Variants in SMC2 observed in about 807,000 individuals in gnomAD.
SMC2 encodes the protein structural maintenance of chromosomes 2, also known as structural maintenance of chromosomes protein 2.
A neutral mutation model predicts 142.6 loss-of-function variants in SMC2; 41 were observed. The observed-to-expected ratio is 0.29, with a 90% CI of 0.22 to 0.37. The LOEUF (loss-of-function observed/expected upper bound fraction) is 0.37. SMC2 is among the 10% of genes least tolerant of loss of function. The pLI is 1.00. For synonymous variants in SMC2, 463 were observed against 457.5 expected (o/e 1.01, Z -0.15); for missense variants, 1,265 against 1,373.7 (o/e 0.92, Z 1.25).
upstream of SMC2, among the ~76,000 whole-genome samples, chr9:104,091,185 C>T (rs922862890): frequency 6.6e-6 from 1 of 152,156 alleles, no homozygotes; most frequent in Non-Finnish European, 1.5e-5. Context: ...TTCTGAGAAA[C>T]GCCTCATTAG....
At chr9:104,101,241 C>G (rs950827007) in intron 7 of SMC2, among the ~76,000 whole-genome samples, 1 of 152,086 alleles carries the variant, frequency 6.6e-6, no homozygotes, top group Non-Finnish European at 1.5e-5. Context: ...AGCCAAACGA[C>G]GTTTTTAAAG....
At chr9:104,135,534 C>T (rs1835435066) in intron 23 of SMC2, among the ~76,000 whole-genome samples, 1 of 152,070 alleles carries the variant, frequency 6.6e-6, no homozygotes, top group Non-Finnish European at 1.5e-5. Context: ...ATCATGGCAC[C>T]ATGTTTTCCA....
In SMC2 at chr9:104,129,720, G is replaced by C. The variant is rs1458609166; in HGVS notation, c.2866G>C (p.Asp956His). Reference protein sequence around the residue: ...HLFGQPNSAYDFKTNNPKEAG... With the variant: ...HLFGQPNSAYHFKTNNPKEAG... ...CTTTGGCCAACCCAATAGTGCCTAT[G>C]ATTTCAAAACTAACAACCCTAAAGA... The change falls in exon 21 of 25, where the codon GAT becomes CAT. Residue 956 changes from aspartate to histidine, a missense_variant. This residue lies in a region of SMC2 where 898 missense variants were observed against 904.2 expected (regional missense o/e 0.99). Transcript: ENST00000374793. The C allele has an allele frequency of 6.2e-7, 1 of 1,613,946 alleles. No individual in the cohort carries two copies. The highest frequency in any genetic ancestry group is 8.5e-7 in the Non-Finnish European group (1 of 1,179,912).
Position 104,138,116 on chromosome 9 carries a change from A to G in SMC2, c.3368A>G (p.His1123Arg), listed in dbSNP as rs1412619292. 1 of 1,610,292 alleles carries G rather than the reference A, an allele frequency of 6.2e-7. No individual in the cohort carries two copies. Among genetic ancestry groups the G allele is most frequent in the Admixed American group, 1.7e-5 (1 of 59,918 alleles). ...GTAGATGCAGCCTTGGATCTTTCTC[A>G]TACCCAAAACATTGGACAGATGCTG... ...DEVDAALDLS[H>R]TQNIGQMLRT... Residue 1123 changes from histidine (H) to arginine (R), a missense_variant, in exon 24 of 25, where the codon CAT becomes CGT. Physicochemically the swap from His to Arg is conservative, Grantham distance 29 (BLOSUM62 0). Transcript: ENST00000374793.
At chr9:104,115,421 A>C (rs1832976812) in intron 13 of SMC2, among the ~76,000 whole-genome samples, 1 of 152,030 alleles carries the variant, frequency 6.6e-6, no homozygotes. Flanking sequence ...CTGAAAATAC[A>C]AAAGTTACCC....
At chr9:104,138,428 A>G (rs1290910470) in intron 24 of SMC2, among the ~76,000 whole-genome samples, 1 of 152,170 alleles carries the variant, frequency 6.6e-6, no homozygotes, top group Non-Finnish European at 1.5e-5. Flanking sequence ...GAATTGATTT[A>G]GGGTTAATAT....
chr9:104,122,456 A>G lies in SMC2; in HGVS notation c.2133-652A>G, dbSNP rs566416128. ...CAAGAATACTCAAGGTAGTATTTAT[A>G]TTTTATAAGTTTTGTTTTTTTTTTT... On this transcript the variant is annotated intron_variant, in intron 16 of 24. Transcript: ENST00000374793. 2.6e-5 allele frequency among the ~76,000 whole-genome samples: 4 copies of G among 151,164 alleles called. No individual in the cohort carries two copies. The South Asian group carries it at 8.3e-4, about 31-fold the overall frequency.
At chr9:104,106,615 A>T (rs1791575464) in intron 9 of SMC2, among the ~76,000 whole-genome samples, 1 of 151,620 alleles carries the variant, frequency 6.6e-6, no homozygotes, top group African/African-American at 2.4e-5. Flanking sequence ...CTGGTCTCGA[A>T]CTCCCGACCT....
intron 7 of SMC2, among the ~76,000 whole-genome samples, chr9:104,101,567 G>A (rs75436537): frequency 0.057 from 8,637 of 152,160 alleles, 658 homozygotes; most frequent in African/African-American, 0.18. Flanking sequence ...TATGGGAGTC[G>A]TGTTTAGTAA....
At chr9:104,103,853 C>T (rs1171797019) in intron 9 of SMC2, among the ~76,000 whole-genome samples, 1 of 151,712 alleles carries the variant, frequency 6.6e-6, no homozygotes, top group Non-Finnish European at 1.5e-5. Context: ...AATTTTGAAG[C>T]GATATGAACG....
chr9:104,100,932 A>G (rs187118571), intron 7 of SMC2, among the ~76,000 whole-genome samples: 4 of 152,278 alleles, frequency 2.6e-5, no homozygotes, highest in Admixed American at 6.5e-5. Context: ...CAAAAAATGC[A>G]TTTATGAGCT....
chr9:104,114,731 C>T lies in SMC2; in HGVS notation c.1573C>T (p.Leu525Phe). The change falls in exon 13 of 25, where the codon CTT becomes TTT. Residue 525 changes from leucine to phenylalanine, a missense_variant. Physicochemically the swap from Leu to Phe is conservative, Grantham distance 22 (BLOSUM62 0). This residue lies in a region of SMC2 where 898 missense variants were observed against 904.2 expected (regional missense o/e 0.99). Coordinates refer to ENST00000374793, the MANE Select transcript of SMC2 (RefSeq NM_006444.3). ...KNWNRNCVKG[L>F]VASLISVKDT... The stretch of plus-strand genomic sequence containing the variant: ...CTGGAATAGAAATTGTGTGAAAGGA[C>T]TTGTGGCTTCTCTGATTAGTGTGAA... 1.2e-6 allele frequency: 2 copies of T among 1,612,986 alleles called. No homozygotes were observed. Among genetic ancestry groups the T allele is most frequent in the South Asian group, 1.1e-5 (1 of 90,968 alleles).
intron 9 of SMC2, among the ~76,000 whole-genome samples, chr9:104,107,522 C>T (rs558705104): frequency 3.9e-4 from 60 of 152,292 alleles, no homozygotes; most frequent in African/African-American, 1.4e-3. Context: ...CTGCAAAGTC[C>T]GCTGTTCAAA....
intron 9 of SMC2, among the ~76,000 whole-genome samples, 159 bp from the exon 10 acceptor site, chr9:104,111,422 A>T (rs1832432212): frequency 6.6e-6 from 1 of 152,210 alleles, no homozygotes. Context: ...AGTGAATTTC[A>T]AAATGATAAT....
chr9:104,100,307 T>C, intron 6 of SMC2, 82 bp from the exon 7 acceptor site: 3 of 1,393,272 alleles, frequency 2.2e-6, no homozygotes, highest in Non-Finnish European at 3.0e-6. Context: ...CAGTTTTCCA[T>C]AGTCATCCCT....
Position 104,114,825 on chromosome 9 carries a change from C to T in SMC2, c.1667C>T (p.Thr556Ile), listed in dbSNP as rs749789398. ...CGACTCTACAATGTTGTAGTAGACA[C>T]AGAAGTAAGTTGATTTTAATTTTAA... is the stretch of plus-strand genomic sequence containing the variant. The part of the protein sequence containing the change: ...GERLYNVVVD[T>I]EVTGKKLLER... Residue 556 changes from threonine (T) to isoleucine (I), a missense_variant, in exon 13 of 25, where the codon ACA becomes ATA. By Grantham distance (89) the Thr-to-Ile change is moderately conservative. Coordinates refer to ENST00000374793, the MANE Select transcript of SMC2 (RefSeq NM_006444.3). 86 of 1,601,330 alleles carry T rather than the reference C, an allele frequency of 5.4e-5. No individual in the cohort carries two copies. The highest frequency in any genetic ancestry group is 7.1e-5 in the Non-Finnish European group (83 of 1,175,776).
chr9:104,129,272 G>T (rs914872311), intron 20 of SMC2, among the ~76,000 whole-genome samples: 3 of 152,122 alleles, frequency 2.0e-5, no homozygotes, highest in African/African-American at 7.2e-5. Flanking sequence ...GGAGGCCGAG[G>T]TTGGCAGATC....
chr9:104,119,957 G>C (rs1449691109), intron 15 of SMC2, 70 bp from the exon 16 acceptor site: 6 of 1,421,878 alleles, frequency 4.2e-6, no homozygotes, highest in Non-Finnish European at 4.8e-6. Flanking sequence ...AATTCTCTTA[G>C]AAGACTTTTT....
intron 9 of SMC2, among the ~76,000 whole-genome samples, chr9:104,109,280 T>C (rs1423957582): frequency 1.3e-5 from 2 of 152,314 alleles, no homozygotes; most frequent in East Asian, 3.9e-4. Context: ...GTACCACTAT[T>C]TACCTAATTG....
Sources: allele counts gnomAD v4.1 joint callset (sites outside exome capture counted in the v4.1 genomes callset), GRCh38; gene constraint gnomAD v4.1.1; regional missense constraint gnomAD v4.1.1; transcripts MANE v1.5; gene names NCBI Gene and HGNC (gene_info 2026-07-23, HGNC 2026-07-21).